Variants in NSMAF observed in about 807,000 individuals in gnomAD.
NSMAF encodes protein FAN.
NSMAF carries 90 observed loss-of-function variants against 134.9 expected under a neutral mutation model. The observed-to-expected ratio is 0.67, with a 90% CI of 0.56 to 0.79. NSMAF has a LOEUF of 0.79. Ranked by LOEUF, NSMAF falls within the 30% of genes least tolerant of loss-of-function variation. The pLI is 0.00. For synonymous variants in NSMAF, 358 were observed against 389.6 expected, an observed-to-expected ratio of 0.92 and a Z score of 0.96; for missense variants, 1,010 against 1,119.0, an observed-to-expected ratio of 0.90 and a Z score of 1.39.
At chr8:58,609,472 TG>T in intron 10 of NSMAF, 131 bp downstream of exon 10, 6 of 798,806 alleles carry the variant, frequency 7.5e-6, no homozygotes, top group Non-Finnish European at 1.0e-5. Flanking sequence ...ACACAGATGC[TG>T]CCTGTGAAGG....
At chr8:58,643,125 G>A in intron 1 of NSMAF, 52 bp from the exon 2 acceptor site, 1 of 1,304,760 alleles carries the variant, frequency 7.7e-7, no homozygotes, top group Non-Finnish European at 1.1e-6. Flanking sequence ...GTAAGTATAA[G>A]AAGGCAATAT....
At chr8:58,612,124 T>G (rs927240945) in intron 9 of NSMAF, among the ~76,000 whole-genome samples, 15 of 152,132 alleles carry the variant, frequency 9.9e-5, no homozygotes, top group African/African-American at 3.4e-4. Context: ...AGAAGCATCT[T>G]TTGCTCTAAT....
chr8:58,657,603 A>T (rs1807747916), intron 1 of NSMAF, among the ~76,000 whole-genome samples: 1 of 152,246 alleles, frequency 6.6e-6, no homozygotes, highest in African/African-American at 2.4e-5. Flanking sequence ...AGACTCCTTG[A>T]TTCCAGTGCA....
intron 9 of NSMAF, among the ~76,000 whole-genome samples, chr8:58,611,401 A>G (rs1806525912): frequency 6.6e-6 from 1 of 152,108 alleles, no homozygotes; most frequent in Admixed American, 6.6e-5. Context: ...TTAGCCAGGC[A>G]TGGTGGCATG....
intron 1 of NSMAF, among the ~76,000 whole-genome samples, chr8:58,657,932 G>GC (rs1393790430): frequency 6.6e-6 from 1 of 152,212 alleles, no homozygotes; most frequent in Non-Finnish European, 1.5e-5. Flanking sequence ...ACATGGAAAT[G>GC]CAAGTACAGG....
intron 2 of NSMAF, among the ~76,000 whole-genome samples, chr8:58,641,059 T>C (rs147344169): frequency 1.8e-4 from 27 of 152,090 alleles, no homozygotes; most frequent in African/African-American, 5.5e-4. Context: ...GTAGCTGGGA[T>C]TACAAGGGTG....
At chr8:58,603,184 G>T (rs775957577) in intron 13 of NSMAF, 26 bp downstream of exon 13, 3 of 1,609,158 alleles carry the variant, frequency 1.9e-6, no homozygotes, top group South Asian at 1.1e-5. Context: ...ACTCAACTTG[G>T]TCAGAATTCC....
chr8:58,587,809 C>A, intron 26 of NSMAF, 108 bp from the exon 27 acceptor site: 2 of 908,020 alleles, frequency 2.2e-6, no homozygotes, highest in East Asian at 2.7e-5. Context: ...AACAGACTTG[C>A]CAATAAAGTT....
intron 9 of NSMAF, among the ~76,000 whole-genome samples, chr8:58,615,190 C>T (rs1329472058): frequency 2.0e-5 from 3 of 152,132 alleles, no homozygotes; most frequent in Non-Finnish European, 4.4e-5. Context: ...AGCTTCACAA[C>T]ACAAAATGCA....
At chr8:58,599,533 T>C (rs1380025336) in intron 18 of NSMAF, 170 bp from the exon 19 acceptor site, 4 of 938,138 alleles carry the variant, frequency 4.3e-6, no homozygotes, top group Non-Finnish European at 6.1e-6. Context: ...GGGAAAAAAG[T>C]GGCAAGAATC....
chr8:58,603,082 T>C, intron 13 of NSMAF, 128 bp downstream of exon 13: 2 of 906,500 alleles, frequency 2.2e-6, no homozygotes, highest in Non-Finnish European at 1.7e-6. Flanking sequence ...GCAATACAAC[T>C]GAAATGAGTT....
At position 58,655,405 on chromosome 8, in the gene NSMAF, T is replaced by G. The variant is rs1807681076; in HGVS notation, c.59+4168A>C. Among the ~76,000 whole-genome samples, 3 of 152,112 alleles carry G rather than the reference T, an allele frequency of 2.0e-5. No homozygotes were observed. In the South Asian group the frequency reaches 6.2e-4, roughly 32 times the overall value. The stretch of plus-strand genomic sequence containing the variant: ...AATCATAAAATAGAAATGTCTTTTT[T>G]TTTTTTTTCTTTGCGATAGGGTCTC... On this transcript the variant is annotated intron_variant, in intron 1 of 30. Transcript: ENST00000038176.
intron 1 of NSMAF, among the ~76,000 whole-genome samples, chr8:58,650,324 T>C (rs1176090223): frequency 1.3e-5 from 2 of 152,178 alleles, no homozygotes; most frequent in Non-Finnish European, 1.5e-5. Context: ...TTCCACTCAT[T>C]TGGGGCTTTA....
chr8:58,607,329 G>T (rs1162461049), intron 11 of NSMAF, among the ~76,000 whole-genome samples: 1 of 152,216 alleles, frequency 6.6e-6, no homozygotes, highest in African/African-American at 2.4e-5. Context: ...TCAGCCCAAA[G>T]GTTGAATTAA....
At chr8:58,633,266 AC>A (rs1230194847) in intron 5 of NSMAF, among the ~76,000 whole-genome samples, 1 of 151,654 alleles carries the variant, frequency 6.6e-6, no homozygotes, top group East Asian at 1.9e-4. Flanking sequence ...GAGCACTCAC[AC>A]TCCTGTGCCT....
intron 9 of NSMAF, among the ~76,000 whole-genome samples, chr8:58,610,043 C>T (rs1052604853): frequency 5.5e-4 from 83 of 152,212 alleles, no homozygotes; most frequent in African/African-American, 1.8e-3. Flanking sequence ...TGAAACTATT[C>T]TTACATTTAA....
Position 58,601,447 on chromosome 8 carries a change from A to G in NSMAF, c.1214T>C (p.Ile405Thr). The G allele has an allele frequency of 6.2e-7, 1 of 1,613,640 alleles. No homozygotes were observed. The highest frequency in any genetic ancestry group is 2.2e-5 in the East Asian group (1 of 44,818). Residue 405 changes from isoleucine (I) to threonine (T), a missense_variant and splice_region_variant, in exon 15 of 31, where the codon ATT (isoleucine) becomes ACT (threonine). By Grantham distance (89) the Ile-to-Thr change is moderately conservative. Transcript: ENST00000038176. ...GGGGTAATGATAAAGAATCTTACCA[A>G]TCCTAACAAGATAAAAAAGTACATA... ...PGYVLFYLVR[I>T]APEYMLCLQN...
At chr8:58,651,138 A>C (rs1807572924) in intron 1 of NSMAF, among the ~76,000 whole-genome samples, 1 of 152,174 alleles carries the variant, frequency 6.6e-6, no homozygotes, top group Non-Finnish European at 1.5e-5. Flanking sequence ...ACTAGATTCC[A>C]ATCTTGGGTC....
At chr8:58,632,745 C>G (rs1202108914) in intron 5 of NSMAF, among the ~76,000 whole-genome samples, 1 of 152,182 alleles carries the variant, frequency 6.6e-6, no homozygotes, top group Non-Finnish European at 1.5e-5. Context: ...TCTCTGAAAC[C>G]CAGATGGATG....
Sources: gnomAD v4.1 joint callset for allele counts (sites outside exome capture counted in the v4.1 genomes callset) on GRCh38, gnomAD v4.1.1 for gene constraint, MANE v1.5 for transcripts, NCBI Gene and HGNC (gene_info 2026-07-23, HGNC 2026-07-21) for gene names.